The following UNC13C variants were observed in gnomAD, a reference collection of about 807,000 sequenced individuals.
UNC13C encodes unc-13 homolog C.
Under a neutral mutation model 245.4 loss-of-function variants are expected in UNC13C, and 174 were observed. The ratio of observed to expected loss-of-function variants is 0.71; its 90% CI spans 0.63 to 0.80. UNC13C has a LOEUF of 0.80. UNC13C is among the 30% of genes least tolerant of loss of function. UNC13C has a pLI of 0.00. For missense variants in UNC13C, 2,829 were observed against 2,602.9 expected (o/e 1.09, Z -1.89); for synonymous variants, 992 against 895.1 (o/e 1.11, Z -1.93).
intron 2 of UNC13C, among the ~76,000 whole-genome samples, chr15:54,042,778 G>A (rs887508408): frequency 5.3e-5 from 8 of 152,068 alleles, no homozygotes; most frequent in East Asian, 1.9e-4. Context: ...GCGTGAACCC[G>A]GGAGGTGGAA....
chr15:53,959,492 T>A, the UNC13C span, among the ~76,000 whole-genome samples: 4 of 152,186 alleles, frequency 2.6e-5, no homozygotes, highest in East Asian at 7.7e-4. Context: ...CTAACTAGCC[T>A]GTCTTATTTC....
At chr15:54,323,368 C>T (rs1293642289) in intron 14 of UNC13C, among the ~76,000 whole-genome samples, 6 of 151,986 alleles carry the variant, frequency 3.9e-5, no homozygotes, top group Non-Finnish European at 8.8e-5. Context: ...AAGGAGACTA[C>T]TCTTTGGGTT....
At chr15:54,522,589 A>G (rs1895270566) in intron 24 of UNC13C, among the ~76,000 whole-genome samples, 1 of 152,202 alleles carries the variant, frequency 6.6e-6, no homozygotes, top group Non-Finnish European at 1.5e-5. Flanking sequence ...AAATACCTCA[A>G]TGGTGTAAAA....
chr15:54,406,145 T>A (rs964175670), intron 18 of UNC13C, among the ~76,000 whole-genome samples: 6 of 152,146 alleles, frequency 3.9e-5, no homozygotes, highest in Non-Finnish European at 8.8e-5. Context: ...AAGACCTGAA[T>A]AAATGATTAA....
chr15:53,848,176 T>G, the UNC13C span, among the ~76,000 whole-genome samples: 1 of 152,132 alleles, frequency 6.6e-6, no homozygotes, highest in Non-Finnish European at 1.5e-5. Flanking sequence ...TTTATTGATT[T>G]TATCTATTTA....
chr15:54,630,788 G>C (rs954789550), downstream of UNC13C: 5 of 151,878 alleles, frequency 3.3e-5, no homozygotes, highest in Admixed American at 6.6e-5. Context: ...TAGGATATGT[G>C]ATATGAAGGA....
chr15:53,908,014 T>C, the UNC13C span, among the ~76,000 whole-genome samples: 7 of 147,184 alleles, frequency 4.8e-5, no homozygotes, highest in African/African-American at 1.7e-4. Flanking sequence ...TAGGATTTAC[T>C]GCAATTACTG....
intron 2 of UNC13C, among the ~76,000 whole-genome samples, chr15:54,029,280 A>T (rs1261984653): frequency 6.6e-6 from 1 of 152,218 alleles, no homozygotes; most frequent in Non-Finnish European, 1.5e-5. Context: ...GGCAATTTCA[A>T]CATAGGGAAC....
chr15:54,069,673 G>C (rs540025946), intron 2 of UNC13C, among the ~76,000 whole-genome samples: 2 of 152,286 alleles, frequency 1.3e-5, no homozygotes, highest in South Asian at 4.1e-4. Context: ...GGAGAAGAAA[G>C]AATGTTCAGG....
At chr15:53,891,250 T>A in the UNC13C span, among the ~76,000 whole-genome samples, 7 of 152,212 alleles carry the variant, frequency 4.6e-5, no homozygotes, top group Admixed American at 6.5e-5. Flanking sequence ...ATTTCCATTG[T>A]TTTGCATTTG....
intron 22 of UNC13C, among the ~76,000 whole-genome samples, chr15:54,506,555 T>G (rs1894484908): frequency 6.6e-6 from 1 of 152,110 alleles, no homozygotes; most frequent in African/African-American, 2.4e-5. Context: ...GTCTGTGTGT[T>G]ATCTCTTATT....
At chr15:54,285,616 G>C (rs2140923839) in intron 10 of UNC13C, among the ~76,000 whole-genome samples, 1 of 152,264 alleles carries the variant, frequency 6.6e-6, no homozygotes, top group East Asian at 1.9e-4. Context: ...CTGGCAGGAG[G>C]TTTCTGCTGA....
chr15:54,500,014 G>T, intron 20 of UNC13C, 65 bp from the exon 21 acceptor site: 1 of 1,179,454 alleles, frequency 8.5e-7, no homozygotes, highest in Non-Finnish European at 1.2e-6. Flanking sequence ...AAAAAGAGCA[G>T]CATTCCTGTT....
intron 2 of UNC13C, among the ~76,000 whole-genome samples, chr15:54,124,168 G>T (rs947378489): frequency 1.3e-5 from 2 of 152,122 alleles, no homozygotes; most frequent in African/African-American, 4.8e-5. Flanking sequence ...ATCATATGTA[G>T]ATTTTTGTGT....
intron 19 of UNC13C, among the ~76,000 whole-genome samples, chr15:54,420,319 C>T (rs537897137): frequency 1.3e-5 from 2 of 152,132 alleles, no homozygotes; most frequent in African/African-American, 4.8e-5. Context: ...CTCAGTTGTT[C>T]TCAGCATGGA....
chr15:54,108,062 A>G (rs1217232948), intron 2 of UNC13C, among the ~76,000 whole-genome samples: 1 of 152,210 alleles, frequency 6.6e-6, no homozygotes, highest in African/African-American at 2.4e-5. Context: ...GTCTAACAAT[A>G]TACAAGGATT....
the UNC13C span, among the ~76,000 whole-genome samples, chr15:53,844,445 A>C: frequency 6.7e-3 from 1,020 of 152,222 alleles, 6 homozygotes; most frequent in Non-Finnish European, 9.6e-3. Context: ...CTGGGGTGTG[A>C]CAAAGGAAAA....
intron 30 of UNC13C, among the ~76,000 whole-genome samples, chr15:54,592,694 G>A (rs191584187): frequency 6.6e-6 from 1 of 152,188 alleles, no homozygotes; most frequent in African/African-American, 2.4e-5. Context: ...TTATGTGTTA[G>A]GTGAGCCTCC....
At chr15:53,891,495 T>C in the UNC13C span, among the ~76,000 whole-genome samples, 1 of 152,078 alleles carries the variant, frequency 6.6e-6, no homozygotes, top group Non-Finnish European at 1.5e-5. Context: ...TGTGTGGGAG[T>C]CTAAGTCTGT....
Sources: allele counts gnomAD v4.1 joint callset (sites outside exome capture counted in the v4.1 genomes callset), GRCh38; gene constraint gnomAD v4.1.1; transcripts MANE v1.5; gene names NCBI Gene and HGNC (gene_info 2026-07-23, HGNC 2026-07-21).